ENTHD1: variants seen among roughly 807,000 people sequenced by gnomAD.
ENTHD1 encodes ENTH domain-containing protein 1.
A neutral mutation model predicts 39.1 loss-of-function variants in ENTHD1; 23 were observed. The observed-to-expected ratio is 0.59, with a 90% CI of 0.42 to 0.83. The LOEUF (loss-of-function observed/expected upper bound fraction) is 0.83. Ranked by LOEUF, ENTHD1 falls within the 40% of genes least tolerant of loss-of-function variation. ENTHD1 has a pLI of 0.00. For missense variants in ENTHD1, 624 were observed against 705.4 expected (o/e 0.88, Z 1.31); for synonymous variants, 230 against 258.2 (o/e 0.89, Z 1.05).
rs140538962 is a variant in ENTHD1, at chr22:39,769,693, A to G, written c.833-4084T>C. ...CCAAGAGAGTATGGGGTGGAGCATC[A>G]ACAGTACCATCTACAAGATATAATC... On this transcript the variant is annotated intron_variant, in intron 5 of 6. Transcript: ENST00000325157. Among the ~76,000 whole-genome samples the G allele has an allele frequency of 4.9e-4, 74 of 152,288 alleles. No homozygotes were observed. In the Middle Eastern group the frequency reaches 0.024, roughly 49 times the overall value.
intron 6 of ENTHD1, among the ~76,000 whole-genome samples, chr22:39,761,024 C>G (rs1196909485): frequency 2.0e-5 from 3 of 151,800 alleles, no homozygotes; most frequent in South Asian, 2.1e-4. Flanking sequence ...TATATTTATC[C>G]ACATATTTAT....
At chr22:39,872,509 C>G (rs764617184) in intron 2 of ENTHD1, among the ~76,000 whole-genome samples, 2 of 152,110 alleles carry the variant, frequency 1.3e-5, no homozygotes, top group Non-Finnish European at 2.9e-5. Flanking sequence ...CCCCCACTGC[C>G]CAACAAAACC....
intron 4 of ENTHD1, among the ~76,000 whole-genome samples, chr22:39,834,813 T>C (rs1255112172): frequency 6.6e-6 from 1 of 152,164 alleles, no homozygotes; most frequent in African/African-American, 2.4e-5. Context: ...CATTACTGAT[T>C]CATGTGACAA....
chr22:39,788,017 T>C (rs1394444092), intron 5 of ENTHD1, among the ~76,000 whole-genome samples: 2 of 152,326 alleles, frequency 1.3e-5, no homozygotes, highest in African/African-American at 2.4e-5. Context: ...ACAATGCACC[T>C]GGTCACCCAA....
chr22:39,799,121 G>A (rs1311268659), intron 5 of ENTHD1, among the ~76,000 whole-genome samples: 7 of 152,228 alleles, frequency 4.6e-5, no homozygotes, highest in African/African-American at 7.2e-5. Context: ...CTGTAGTGGG[G>A]TGATCTCCAG....
intron 4 of ENTHD1, among the ~76,000 whole-genome samples, chr22:39,825,894 C>G (rs2065822603): frequency 6.6e-6 from 1 of 151,898 alleles, no homozygotes. Flanking sequence ...GTTTTTGAGA[C>G]AGAGTCTCAC....
chr22:39,782,629 A>G (rs113534727), intron 5 of ENTHD1, among the ~76,000 whole-genome samples: 35 of 152,348 alleles, frequency 2.3e-4, no homozygotes, highest in African/African-American at 8.2e-4. Flanking sequence ...AGTGAGGTTC[A>G]TCTCAATGAT....
intron 2 of ENTHD1, among the ~76,000 whole-genome samples, chr22:39,883,021 A>AAAAG (rs1212632523): frequency 5.3e-5 from 8 of 150,990 alleles, no homozygotes; most frequent in East Asian, 1.9e-4. Flanking sequence ...AAAAAAAAAA[A>AAAAG]AAAGAAAGAA....
At chr22:39,784,008 G>A (rs181408399) in intron 5 of ENTHD1, among the ~76,000 whole-genome samples, 2 of 152,184 alleles carry the variant, frequency 1.3e-5, no homozygotes, top group East Asian at 3.9e-4. Context: ...CATCTGACAA[G>A]GGATTAATAA....
intron 5 of ENTHD1, among the ~76,000 whole-genome samples, chr22:39,778,662 C>T (rs2065384346): frequency 1.3e-5 from 2 of 152,152 alleles, no homozygotes; most frequent in Non-Finnish European, 2.9e-5. Flanking sequence ...TTACTGAATA[C>T]CTAAGATGGC....
intron 5 of ENTHD1, among the ~76,000 whole-genome samples, chr22:39,804,474 A>T (rs887517315): frequency 6.6e-6 from 1 of 151,074 alleles, no homozygotes; most frequent in Non-Finnish European, 1.5e-5. Context: ...AAAAAAAAAA[A>T]TTGATAATCC....
At chr22:39,880,667 A>G (rs1483460586) in intron 2 of ENTHD1, among the ~76,000 whole-genome samples, 2 of 152,158 alleles carry the variant, frequency 1.3e-5, no homozygotes, top group Non-Finnish European at 2.9e-5. Context: ...TTTTTAAAAA[A>G]CTTTTTAATA....
intron 3 of ENTHD1, among the ~76,000 whole-genome samples, chr22:39,845,785 TTTCTC>T (rs2065982441): frequency 6.6e-6 from 1 of 152,222 alleles, no homozygotes; most frequent in South Asian, 2.1e-4. Flanking sequence ...GAGCTACTCT[TTTCTC>T]ATTGATCTGC....
chr22:39,798,541 T>C (rs969168241), intron 5 of ENTHD1, among the ~76,000 whole-genome samples: 3 of 152,150 alleles, frequency 2.0e-5, no homozygotes, highest in Non-Finnish European at 4.4e-5. Flanking sequence ...CTCAGTGGCT[T>C]AGGCTGTGGT....
At chr22:39,765,722 T>C in intron 5 of ENTHD1, 113 bp from the exon 6 acceptor site, 5 of 1,097,032 alleles carry the variant, frequency 4.6e-6, no homozygotes, top group Non-Finnish European at 6.3e-6. Flanking sequence ...CAGAATTCTT[T>C]CCTATTTAGC....
At chr22:39,754,735 C>G (rs2065172252) in intron 6 of ENTHD1, among the ~76,000 whole-genome samples, 1 of 152,178 alleles carries the variant, frequency 6.6e-6, no homozygotes, top group Admixed American at 6.5e-5. Flanking sequence ...GGCTATCTCC[C>G]TCTACCTCAC....
chr22:39,755,163 ATAACT>A (rs1282865822), intron 6 of ENTHD1, among the ~76,000 whole-genome samples: 5 of 152,246 alleles, frequency 3.3e-5, no homozygotes, highest in Non-Finnish European at 5.9e-5. Flanking sequence ...AATATATTAA[ATAACT>A]TAGCACATAT....
At chr22:39,858,195 A>G (rs1328329719) in intron 3 of ENTHD1, among the ~76,000 whole-genome samples, 2 of 152,210 alleles carry the variant, frequency 1.3e-5, no homozygotes. Flanking sequence ...TGGCATTGCA[A>G]CAATGTTCAC....
At chr22:39,773,117 C>CAAAAAAA (rs57398699) in intron 5 of ENTHD1, among the ~76,000 whole-genome samples, 10 of 36,136 alleles carry the variant, frequency 2.8e-4, no homozygotes, top group South Asian at 2.3e-3. Flanking sequence ...GACCTCATCT[C>CAAAAAAA]AAAAAAAAAA....
Sources: allele counts gnomAD v4.1 joint callset (sites outside exome capture counted in the v4.1 genomes callset), GRCh38; gene constraint gnomAD v4.1.1; transcripts MANE v1.5; gene names NCBI Gene and HGNC (gene_info 2026-07-23, HGNC 2026-07-21).